The following CPQ variants were observed in gnomAD, a reference collection of about 807,000 sequenced individuals.
CPQ encodes Ser-Met dipeptidase.
CPQ carries 37 observed loss-of-function variants against 45.7 expected under a neutral mutation model. The observed-to-expected ratio is 0.81, with a 90% CI of 0.62 to 1.07. CPQ has a LOEUF of 1.07. CPQ is among the 50% of genes least tolerant of loss of function. The pLI is 0.00. For synonymous variants in CPQ, 186 were observed against 205.8 expected, an observed-to-expected ratio of 0.90 and a Z score of 0.82; for missense variants, 537 against 572.9, an observed-to-expected ratio of 0.94 and a Z score of 0.64.
At chr8:97,138,082 T>C (rs1812095231) in intron 7 of CPQ, among the ~76,000 whole-genome samples, 1 of 152,126 alleles carries the variant, frequency 6.6e-6, no homozygotes, top group Non-Finnish European at 1.5e-5. Flanking sequence ...CTCCCTAAGG[T>C]GCATCTCTAG....
chr8:96,905,297 C>A (rs1270387489), intron 4 of CPQ, among the ~76,000 whole-genome samples: 1 of 152,172 alleles, frequency 6.6e-6, no homozygotes, highest in Non-Finnish European at 1.5e-5. Context: ...CCAGGCCCTT[C>A]CTCTAACATG....
intron 1 of CPQ, among the ~76,000 whole-genome samples, chr8:96,771,079 A>AAT (rs1026189586): frequency 4.1e-5 from 6 of 146,202 alleles, no homozygotes; most frequent in East Asian, 3.9e-4. Flanking sequence ...AGGTTGAAGC[A>AAT]ATATATATAT....
chr8:96,954,815 C>G (rs1813329304), intron 4 of CPQ, among the ~76,000 whole-genome samples: 1 of 151,866 alleles, frequency 6.6e-6, no homozygotes, highest in African/African-American at 2.4e-5. Context: ...TCTCATTGTT[C>G]AATTCCCACC....
chr8:96,919,730 G>C (rs1812782440), intron 4 of CPQ, among the ~76,000 whole-genome samples: 1 of 152,150 alleles, frequency 6.6e-6, no homozygotes, highest in African/African-American at 2.4e-5. Flanking sequence ...TAATTAGATA[G>C]AGATATCTTT....
intron 4 of CPQ, among the ~76,000 whole-genome samples, chr8:96,880,517 TCATATATATATATA>T (rs1258578009): frequency 1.7e-4 from 13 of 76,552 alleles, no homozygotes; most frequent in African/African-American, 4.2e-4. Context: ...AAATATATGG[TCATATATATATATA>T]TATATATATA....
chr8:96,929,642 T>C (rs951992196), intron 4 of CPQ, among the ~76,000 whole-genome samples: 1 of 152,210 alleles, frequency 6.6e-6, no homozygotes, highest in Non-Finnish European at 1.5e-5. Flanking sequence ...TGAAACATGA[T>C]TAATTTTTTC....
chr8:97,133,931 G>A lies in CPQ; in HGVS notation c.1256-9089G>A, dbSNP rs576498864. Among the ~76,000 whole-genome samples the A allele has an allele frequency of 3.3e-5, 5 of 152,290 alleles. No individual in the cohort carries two copies. The South Asian group carries it at 6.2e-4, about 19-fold the overall frequency. The stretch of plus-strand genomic sequence containing the variant: ...GTCATGAATAATTTTTATAAGAGTG[G>A]TGAAAGGTATAAGAACATACTGAGT... On this transcript the variant is annotated intron_variant, in intron 7 of 7. Coordinates refer to ENST00000220763, the MANE Select transcript of CPQ (RefSeq NM_016134.4).
intron 3 of CPQ, among the ~76,000 whole-genome samples, chr8:96,850,826 C>A (rs946547317): frequency 6.6e-6 from 1 of 152,018 alleles, no homozygotes; most frequent in East Asian, 1.9e-4. Context: ...TCAGGCTGGT[C>A]TGGAACTCCT....
At chr8:96,710,857 G>T (rs1444701573) in intron 1 of CPQ, among the ~76,000 whole-genome samples, 4 of 152,144 alleles carry the variant, frequency 2.6e-5, no homozygotes, top group African/African-American at 7.2e-5. Context: ...ATATTATTAG[G>T]TCAATTTTTT....
intron 3 of CPQ, among the ~76,000 whole-genome samples, chr8:96,860,745 A>G (rs1462983641): frequency 4.6e-5 from 7 of 152,148 alleles, no homozygotes; most frequent in Non-Finnish European, 8.8e-5. Context: ...AGGAAGCAGG[A>G]TAAGTCTTAG....
intron 1 of CPQ, among the ~76,000 whole-genome samples, chr8:96,718,458 C>T (rs1181897884): frequency 2.0e-5 from 3 of 151,842 alleles, no homozygotes; most frequent in Admixed American, 6.6e-5. Flanking sequence ...TGGAGTTGTT[C>T]GTTCCCCCCA....
chr8:96,771,633 T>C (rs1810544560), intron 1 of CPQ, among the ~76,000 whole-genome samples: 2 of 152,286 alleles, frequency 1.3e-5, no homozygotes, highest in South Asian at 4.1e-4. Flanking sequence ...GGTTCTGTAA[T>C]TTGGAATCGT....
In CPQ at chr8:96,922,341, G is replaced by GA. The variant is rs200064740; in HGVS notation, c.849+42345dup. Among the ~76,000 whole-genome samples the GA allele has an allele frequency of 9.9e-5, 15 of 151,262 alleles. No homozygotes were observed. The South Asian group carries it at 1.3e-3, about 13-fold the overall frequency. ...ACATAAGTAGAGGGTTTGGAAAAAA[G>GA]AAAAAAAAATCTTTGGATGATAAAC... is the stretch of plus-strand genomic sequence containing the variant. On this transcript the variant is annotated intron_variant, in intron 4 of 7. Transcript: ENST00000220763.
intron 2 of CPQ, among the ~76,000 whole-genome samples, chr8:96,812,804 T>C (rs916332654): frequency 6.6e-5 from 10 of 151,896 alleles, no homozygotes; most frequent in Admixed American, 5.3e-4. Context: ...ATGCTGAGTC[T>C]CTCCGAAGGT....
At chr8:96,834,599 A>G (rs1400529490) in intron 2 of CPQ, among the ~76,000 whole-genome samples, 1 of 152,196 alleles carries the variant, frequency 6.6e-6, no homozygotes, top group Non-Finnish European at 1.5e-5. Context: ...ATTAATCCTA[A>G]GGAGAGCTTT....
chr8:96,904,712 A>C (rs1370613465), intron 4 of CPQ, among the ~76,000 whole-genome samples: 2 of 152,182 alleles, frequency 1.3e-5, no homozygotes, highest in African/African-American at 4.8e-5. Context: ...AAAGGTCCAG[A>C]ATCCATAATT....
chr8:97,085,336 A>T (rs1376043968), intron 7 of CPQ, among the ~76,000 whole-genome samples: 1 of 151,974 alleles, frequency 6.6e-6, no homozygotes, highest in African/African-American at 2.4e-5. Context: ...GTGAGCCATG[A>T]TCATGCCACT....
chr8:96,740,584 AT>A (rs1434438250), intron 1 of CPQ, among the ~76,000 whole-genome samples: 1 of 149,994 alleles, frequency 6.7e-6, no homozygotes, highest in Non-Finnish European at 1.5e-5. Flanking sequence ...ATTCAGTATG[AT>A]ATTGGCTGTG....
chr8:96,902,285 ATG>A (rs1812521329), intron 4 of CPQ, among the ~76,000 whole-genome samples: 1 of 152,222 alleles, frequency 6.6e-6, no homozygotes, highest in Admixed American at 6.5e-5. Flanking sequence ...ATTGTGAAGA[ATG>A]TGCCAATATT....
Sources: gnomAD v4.1 joint callset for allele counts (sites outside exome capture counted in the v4.1 genomes callset) on GRCh38, gnomAD v4.1.1 for gene constraint, MANE v1.5 for transcripts, NCBI Gene and HGNC (gene_info 2026-07-23, HGNC 2026-07-21) for gene names.